SCFD2: variants seen among roughly 807,000 people sequenced by gnomAD.
SCFD2 encodes the protein sec1 family domain-containing protein 2.
A neutral mutation model predicts 58.9 loss-of-function variants in SCFD2; 54 were observed. The observed-to-expected ratio is 0.92, with a 90% confidence interval of 0.74 to 1.15. The LOEUF (loss-of-function observed/expected upper bound fraction) is 1.15, where lower values mean the gene tolerates loss of function less well. Among genes scored for constraint, SCFD2 ranks in the 50% most tolerant of loss-of-function variants. The probability of loss-of-function intolerance (pLI) is 0.00; values close to 1 mark genes in which losing one functional copy is unlikely to be tolerated. For synonymous variants in SCFD2, 321 were observed against 335.9 expected, an observed-to-expected ratio of 0.96 and a Z score of 0.49; for missense variants, 805 against 836.6, an observed-to-expected ratio of 0.96 and a Z score of 0.47.
At chr4:52,899,103 G>A (rs141916747) in intron 7 of SCFD2, among the ~76,000 whole-genome samples, 150 of 152,246 alleles carry the variant, frequency 9.9e-4, no homozygotes, top group South Asian at 1.2e-3. Flanking sequence ...CTCTTTATCC[G>A]ATTTGCCAGT....
chr4:53,321,420 A>G lies in SCFD2; in HGVS notation c.1008-7657T>C, dbSNP rs561288862. Among the ~76,000 whole-genome samples the G allele has an allele frequency of 2.6e-5, 4 of 152,178 alleles. No homozygotes were observed. The South Asian group carries it at 8.3e-4, about 32-fold the overall frequency. ...GTGATACTTCAATCAAGTAGAAGGCATGCAATTAAGAGATGAGGGTGAAAT... is the reference window on the plus strand; with the variant it reads ...GTGATACTTCAATCAAGTAGAAGGCGTGCAATTAAGAGATGAGGGTGAAAT... On this transcript the variant is annotated intron_variant, in intron 2 of 8. Coordinates refer to ENST00000401642, the MANE Select transcript of SCFD2 (RefSeq NM_152540.4).
At chr4:53,148,830 C>G (rs1341603418) in intron 4 of SCFD2, among the ~76,000 whole-genome samples, 1 of 152,052 alleles carries the variant, frequency 6.6e-6, no homozygotes, top group Non-Finnish European at 1.5e-5. Context: ...GGCAACATAG[C>G]GAGACTCCTG....
intron 2 of SCFD2, among the ~76,000 whole-genome samples, chr4:53,318,355 T>A (rs1227751800): frequency 6.6e-6 from 1 of 152,184 alleles, no homozygotes; most frequent in Non-Finnish European, 1.5e-5. Flanking sequence ...TACAAGGAGT[T>A]CAGATTCTAT....
intron 5 of SCFD2, among the ~76,000 whole-genome samples, chr4:53,047,904 C>T (rs1403216941): frequency 6.6e-6 from 1 of 152,160 alleles, no homozygotes; most frequent in Admixed American, 6.5e-5. Context: ...AATGTGACAG[C>T]TCTTCGACCT....
chr4:53,101,534 T>C (rs1724832658), intron 5 of SCFD2, among the ~76,000 whole-genome samples: 1 of 152,200 alleles, frequency 6.6e-6, no homozygotes, highest in Non-Finnish European at 1.5e-5. Flanking sequence ...ACTGAGATAG[T>C]TGTTTCAAAT....
intron 3 of SCFD2, among the ~76,000 whole-genome samples, chr4:53,303,276 C>T (rs951650626): frequency 2.0e-5 from 3 of 152,054 alleles, no homozygotes; most frequent in South Asian, 2.1e-4. Flanking sequence ...ACAAACCCAT[C>T]GAAAAGTGGG....
At chr4:53,311,942 A>G (rs1055204897) in intron 3 of SCFD2, among the ~76,000 whole-genome samples, 8 of 152,066 alleles carry the variant, frequency 5.3e-5, no homozygotes, top group African/African-American at 1.9e-4. Flanking sequence ...CCGATTCACA[A>G]TATTAATTAG....
At chr4:53,310,972 G>A (rs2149108731) in intron 3 of SCFD2, among the ~76,000 whole-genome samples, 1 of 152,210 alleles carries the variant, frequency 6.6e-6, no homozygotes, top group African/African-American at 2.4e-5. Context: ...AGCAAGGATG[G>A]GAGAATTGTG....
At chr4:52,893,954 T>C (rs963420085) in intron 7 of SCFD2, among the ~76,000 whole-genome samples, 3 of 152,180 alleles carry the variant, frequency 2.0e-5, no homozygotes, top group African/African-American at 4.8e-5. Flanking sequence ...TTTTCCTTTC[T>C]TTAAGTTATT....
intron 8 of SCFD2, among the ~76,000 whole-genome samples, chr4:52,877,230 G>C (rs1718495033): frequency 6.6e-6 from 1 of 152,212 alleles, no homozygotes; most frequent in Admixed American, 6.5e-5. Flanking sequence ...CCTCACATCT[G>C]AACAAGCAGG....
intron 7 of SCFD2, among the ~76,000 whole-genome samples, chr4:52,901,795 A>C (rs529459667): frequency 2.0e-5 from 3 of 152,380 alleles, no homozygotes; most frequent in African/African-American, 7.2e-5. Flanking sequence ...CTGCAAAGAA[A>C]GTAAGTTCAA....
rs574846692 is a variant in SCFD2 at position 53,017,106 on chromosome 4, T to A, written c.1562-96236A>T. Among the ~76,000 whole-genome samples, 254 of 151,198 alleles carry A rather than the reference T, an allele frequency of 1.7e-3. 4 individuals carry two copies. In the South Asian group the frequency reaches 0.05, roughly 30 times the overall value. On this transcript the variant is annotated intron_variant, in intron 5 of 8. Transcript: ENST00000401642. ...CTGGGCAACAGAGCGAGACTCCGTC[T>A]CACACACACACACACACACAAAAAG...
chr4:53,058,243 CA>C (rs1424564974), intron 5 of SCFD2, among the ~76,000 whole-genome samples: 7 of 151,848 alleles, frequency 4.6e-5, no homozygotes, highest in Non-Finnish European at 1.0e-4. Flanking sequence ...AACATTAATT[CA>C]AATATTTTCT....
At chr4:53,020,086 G>C (rs1364408856) in intron 5 of SCFD2, among the ~76,000 whole-genome samples, 1 of 152,162 alleles carries the variant, frequency 6.6e-6, no homozygotes, top group Non-Finnish European at 1.5e-5. Context: ...CAACCAGCTT[G>C]TCTTGGCTGA....
chr4:53,358,992 A>ATT (rs1436322619), intron 1 of SCFD2, among the ~76,000 whole-genome samples: 2 of 152,228 alleles, frequency 1.3e-5, no homozygotes, highest in African/African-American at 2.4e-5. Context: ...TAACCAGGAG[A>ATT]GAAAGGAACT....
intron 5 of SCFD2, among the ~76,000 whole-genome samples, chr4:53,006,825 G>A (rs1244487271): frequency 6.6e-6 from 1 of 152,134 alleles, no homozygotes; most frequent in Non-Finnish European, 1.5e-5. Flanking sequence ...GAAGGAGCAT[G>A]GATTCAGGAA....
At chr4:52,882,782 A>G (rs1420947366) in intron 8 of SCFD2, among the ~76,000 whole-genome samples, 1 of 152,332 alleles carries the variant, frequency 6.6e-6, no homozygotes, top group East Asian at 1.9e-4. Flanking sequence ...TGTGTCAGTC[A>G]ATAGTCCTTA....
chr4:53,038,984 C>G (rs756345582), intron 5 of SCFD2, among the ~76,000 whole-genome samples: 3 of 152,140 alleles, frequency 2.0e-5, no homozygotes, highest in Non-Finnish European at 4.4e-5. Context: ...GTCACCATGC[C>G]TAGCCTAAAG....
intron 4 of SCFD2, among the ~76,000 whole-genome samples, chr4:53,243,312 G>A (rs890167845): frequency 6.6e-6 from 1 of 152,152 alleles, no homozygotes; most frequent in Non-Finnish European, 1.5e-5. Flanking sequence ...AGAAGAGATT[G>A]GAGGCCTATA....
Sources: allele counts gnomAD v4.1 joint callset (sites outside exome capture counted in the v4.1 genomes callset), GRCh38; gene constraint gnomAD v4.1.1; transcripts MANE v1.5; gene names NCBI Gene and HGNC (gene_info 2026-07-23, HGNC 2026-07-21).